Variants in NXPE2 observed in about 807,000 individuals in gnomAD.
The protein encoded by NXPE2 is NXPE family member 2.
Under a neutral mutation model 34.4 loss-of-function variants are expected in NXPE2, and 34 were observed. The ratio of observed to expected loss-of-function variants is 0.99; its 90% confidence interval spans 0.75 to 1.31. The LOEUF (loss-of-function observed/expected upper bound fraction) is 1.31, where lower values mean the gene tolerates loss of function less well. NXPE2 is among the 40% of genes most tolerant of loss of function. The pLI, the probability that NXPE2 is intolerant of heterozygous loss-of-function variation, is 0.00. For missense variants in NXPE2, 649 were observed against 672.5 expected (o/e 0.97, Z 0.39); for synonymous variants, 235 against 231.3 (o/e 1.02, Z -0.15).
the NXPE2 span, among the ~76,000 whole-genome samples, chr11:114,727,773 C>CAACACACACA: frequency 0.012 from 388 of 33,278 alleles, 4 homozygotes; most frequent in Middle Eastern, 0.068. Flanking sequence ...CATGTGTACA[C>CAACACACACA]AACACACACA....
chr11:114,577,028 C>T, the NXPE2 span, among the ~76,000 whole-genome samples: 14 of 95,010 alleles, frequency 1.5e-4, no homozygotes, highest in Admixed American at 4.6e-4. Context: ...TATATATATA[C>T]ATATATATAT....
the NXPE2 span, among the ~76,000 whole-genome samples, chr11:114,741,494 T>C: frequency 6.6e-6 from 1 of 152,134 alleles, no homozygotes; most frequent in Non-Finnish European, 1.5e-5. Context: ...CCCATAGACT[T>C]TCTTCACTCC....
the NXPE2 span, among the ~76,000 whole-genome samples, chr11:114,465,105 C>T: frequency 0.016 from 2,447 of 152,218 alleles, 58 homozygotes; most frequent in African/African-American, 0.055. Context: ...TCAACTACTT[C>T]GGAGACTCAC....
At chr11:114,498,308 T>G in the NXPE2 span, among the ~76,000 whole-genome samples, 351 of 152,208 alleles carry the variant, frequency 2.3e-3, 1 homozygote, top group African/African-American at 8.1e-3. Flanking sequence ...CAAATGGAAT[T>G]GGAATGTTTC....
At chr11:114,512,584 G>T in the NXPE2 span, 1 of 152,506 alleles carries the variant, frequency 6.6e-6, no homozygotes, top group African/African-American at 2.4e-5. Context: ...TGTGGGGAAG[G>T]TCACCTGATA....
chr11:114,574,141 A>G, the NXPE2 span, among the ~76,000 whole-genome samples: 1 of 152,178 alleles, frequency 6.6e-6, no homozygotes, highest in Non-Finnish European at 1.5e-5. Flanking sequence ...CAAGATGGAA[A>G]TTAAAAAATT....
chr11:114,740,963 C>G, the NXPE2 span, among the ~76,000 whole-genome samples: 1 of 152,134 alleles, frequency 6.6e-6, no homozygotes, highest in Admixed American at 6.5e-5. Context: ...TCTATTTTGT[C>G]TCATATAAAT....
At chr11:114,554,983 C>T in the NXPE2 span, among the ~76,000 whole-genome samples, 1 of 151,886 alleles carries the variant, frequency 6.6e-6, no homozygotes, top group South Asian at 2.1e-4. Flanking sequence ...TAGATAGTTA[C>T]ATGAGACATA....
the NXPE2 span, among the ~76,000 whole-genome samples, chr11:114,749,691 A>G: frequency 1.3e-5 from 2 of 152,144 alleles, no homozygotes; most frequent in Non-Finnish European, 2.9e-5. Flanking sequence ...TCCCCAGTAC[A>G]TGACCAACCA....
the NXPE2 span, among the ~76,000 whole-genome samples, chr11:114,772,383 A>C: frequency 1.3e-5 from 2 of 152,182 alleles, no homozygotes; most frequent in Non-Finnish European, 2.9e-5. Context: ...GGATTAAAAA[A>C]AAAAGTTCTG....
At chr11:114,482,990 TC>T in the NXPE2 span, among the ~76,000 whole-genome samples, 1 of 152,174 alleles carries the variant, frequency 6.6e-6, no homozygotes, top group African/African-American at 2.4e-5. Flanking sequence ...CTCCTTCACT[TC>T]CTAGCGTTTG....
At chr11:114,686,405 A>G (rs1041576648) in intron 2 of NXPE2, among the ~76,000 whole-genome samples, 1 of 152,028 alleles carries the variant, frequency 6.6e-6, no homozygotes, top group Admixed American at 6.6e-5. Flanking sequence ...CATTTAGGGT[A>G]ATGTCCCCCA....
Position 114,706,530 on chromosome 11 carries a change from A to C in NXPE2, c.1280A>C (p.Asp427Ala), listed in dbSNP as rs367680595. ...FVTKKLFSVK[D>A]ENYIPREIDQ... ...ACCAAAAAATTATTCTCAGTGAAAG[A>C]TGAAAACTATATCCCACGGGAAATT... The change falls in exon 6 of 6, where the codon GAT (aspartate) becomes GCT (alanine). Residue 427 changes from aspartate (D) to alanine (A), a missense_variant. Asp to Ala is a moderately radical substitution (Grantham distance 126, BLOSUM62 -2). Transcript: ENST00000389586. The C allele has an allele frequency of 1.3e-6, 2 of 1,551,892 alleles. No individual in the cohort carries two copies. Among genetic ancestry groups the C allele is most frequent in the Admixed American group, 3.9e-5 (2 of 50,996 alleles).
the NXPE2 span, among the ~76,000 whole-genome samples, chr11:114,725,976 A>AAAAATATATATATATATAT: frequency 5.9e-5 from 6 of 101,764 alleles, no homozygotes; most frequent in African/African-American, 1.7e-4. Flanking sequence ...ATAAAAAAAA[A>AAAAATATATATATATATAT]ATATATATAT....
chr11:114,667,428 G>A, the NXPE2 span, among the ~76,000 whole-genome samples: 9 of 151,920 alleles, frequency 5.9e-5, no homozygotes, highest in East Asian at 1.9e-4. Flanking sequence ...AATTAAACAC[G>A]CAACACCAAA....
At chr11:114,740,193 C>T in the NXPE2 span, among the ~76,000 whole-genome samples, 16 of 152,260 alleles carry the variant, frequency 1.1e-4, no homozygotes, top group East Asian at 2.5e-3. Context: ...GTCTTTCTCT[C>T]TCTCTATATA....
At chr11:114,766,937 GT>G in the NXPE2 span, among the ~76,000 whole-genome samples, 871 of 151,740 alleles carry the variant, frequency 5.7e-3, 6 homozygotes, top group African/African-American at 0.019. Flanking sequence ...TTTTAGTTGT[GT>G]TTTTTATTCT....
the NXPE2 span, among the ~76,000 whole-genome samples, chr11:114,492,695 T>A: frequency 6.6e-6 from 1 of 152,102 alleles, no homozygotes; most frequent in Non-Finnish European, 1.5e-5. Flanking sequence ...CCCGCCAGCA[T>A]GCCTGGCTAA....
the NXPE2 span, among the ~76,000 whole-genome samples, chr11:114,608,646 G>A: frequency 6.6e-6 from 1 of 151,820 alleles, no homozygotes; most frequent in African/African-American, 2.4e-5. Flanking sequence ...TTGCCTCGAG[G>A]GTAACCACTG....
Sources: allele counts gnomAD v4.1 joint callset (sites outside exome capture counted in the v4.1 genomes callset), GRCh38; gene constraint gnomAD v4.1.1; transcripts MANE v1.5; gene names NCBI Gene and HGNC (gene_info 2026-07-23, HGNC 2026-07-21).